Variants in LIMCH1 observed in about 807,000 individuals in gnomAD.
The protein encoded by LIMCH1 is LIM and calponin homology domains-containing protein 1.
A neutral mutation model predicts 176.5 loss-of-function variants in LIMCH1; 113 were observed. That is an observed-to-expected ratio of 0.64 (90% CI 0.55 to 0.75). The LOEUF is 0.75. Among genes scored for constraint, LIMCH1 ranks in the 30% least tolerant of loss-of-function variants. The probability of loss-of-function intolerance (pLI) is 0.00; values close to 1 mark genes in which losing one functional copy is unlikely to be tolerated. For missense variants in LIMCH1, 1,674 were observed against 1,814.9 expected (o/e 0.92, Z 1.41); for synonymous variants, 619 against 645.9 (o/e 0.96, Z 0.63).
chr4:41,609,280 G>A (rs892044878), intron 4 of LIMCH1, among the ~76,000 whole-genome samples: 2 of 149,262 alleles, frequency 1.3e-5, no homozygotes, highest in African/African-American at 5.0e-5. Flanking sequence ...ATCCAATTTT[G>A]TATTCATTTG....
intron 13 of LIMCH1, among the ~76,000 whole-genome samples, chr4:41,635,715 G>C (rs188537111): frequency 1.3e-5 from 2 of 152,308 alleles, no homozygotes; most frequent in African/African-American, 4.8e-5. Context: ...TATGTGTAAA[G>C]CACTGTGCTG....
chr4:41,629,916 C>G (rs1156317247), intron 9 of LIMCH1, among the ~76,000 whole-genome samples, 182 bp downstream of exon 9: 1 of 151,688 alleles, frequency 6.6e-6, no homozygotes, highest in Non-Finnish European at 1.5e-5. Context: ...AAGCAGTCCT[C>G]TCCCTCAGCC....
At chr4:41,597,804 C>G (rs1439087395) in intron 1 of LIMCH1, among the ~76,000 whole-genome samples, 1 of 152,204 alleles carries the variant, frequency 6.6e-6, no homozygotes, top group South Asian at 2.1e-4. Context: ...TATAGCCCAT[C>G]ATATTCACAG....
chr4:41,381,235 AG>A (rs1183369438), intron 1 of LIMCH1, among the ~76,000 whole-genome samples: 1 of 152,186 alleles, frequency 6.6e-6, no homozygotes, highest in Non-Finnish European at 1.5e-5. Context: ...ACAAAAGTGG[AG>A]GCCAAGGTAA....
intron 1 of LIMCH1, among the ~76,000 whole-genome samples, chr4:41,471,811 A>G (rs913657558): frequency 2.6e-5 from 4 of 152,066 alleles, no homozygotes; most frequent in African/African-American, 7.2e-5. Flanking sequence ...CCAGCCATGT[A>G]TGTTTGTTCC....
chr4:41,550,800 A>G (rs1487259603), intron 1 of LIMCH1, among the ~76,000 whole-genome samples: 6 of 152,178 alleles, frequency 3.9e-5, no homozygotes, highest in Admixed American at 3.3e-4. Flanking sequence ...AGGACTGGAA[A>G]CATAAAAATA....
intron 1 of LIMCH1, among the ~76,000 whole-genome samples, chr4:41,492,364 A>G (rs1235869968): frequency 6.7e-6 from 1 of 149,306 alleles, no homozygotes; most frequent in Non-Finnish European, 1.5e-5. Context: ...TCATGGCAGT[A>G]CAGTCCAGGC....
intron 1 of LIMCH1, among the ~76,000 whole-genome samples, chr4:41,446,700 G>C (rs2063324047): frequency 1.3e-5 from 2 of 152,214 alleles, no homozygotes; most frequent in Admixed American, 6.5e-5. Flanking sequence ...GGAAAAGCCT[G>C]TATATAAATC....
Position 41,670,902 on chromosome 4 carries a change from T to G in LIMCH1, c.3398-652T>G, listed in dbSNP as rs886281466. Reference sequence around the variant, plus strand: ...TTCTGATTTCTGGGGAAAAAATTATTTCTTATGCACAGTTAGCAAAGAGCT... The same window carrying G: ...TTCTGATTTCTGGGGAAAAAATTATGTCTTATGCACAGTTAGCAAAGAGCT... On this transcript the variant is annotated intron_variant, in intron 21 of 31. Transcript: ENST00000503057. 5 of 1,479,148 alleles carry G rather than the reference T, an allele frequency of 3.4e-6. No individual in the cohort carries two copies. The East Asian group carries it at 1.3e-4, about 37-fold the overall frequency. 91.6% of individuals were successfully genotyped at this position (1,479,148 alleles called of 1,614,324 possible). A position where few individuals can be genotyped will look rare whatever the true frequency, so the allele number is the denominator to read the frequency against.
At chr4:41,683,284 A>G (rs1004868368) in intron 26 of LIMCH1, among the ~76,000 whole-genome samples, 3 of 152,154 alleles carry the variant, frequency 2.0e-5, no homozygotes, top group South Asian at 4.1e-4. Flanking sequence ...ACTGTGTTCC[A>G]TGGAAGATCA....
At chr4:41,636,345 T>A (rs866828002) in intron 13 of LIMCH1, among the ~76,000 whole-genome samples, 5,485 of 148,272 alleles carry the variant, frequency 0.037, 153 homozygotes, top group African/African-American at 0.082. Flanking sequence ...TATTACTTTT[T>A]TTTTTTTTTT....
chr4:41,393,639 G>A (rs1406650249), intron 1 of LIMCH1, among the ~76,000 whole-genome samples: 1 of 152,148 alleles, frequency 6.6e-6, no homozygotes, highest in Non-Finnish European at 1.5e-5. Context: ...ACAGAATAGA[G>A]CATTATAGTT....
intron 1 of LIMCH1, among the ~76,000 whole-genome samples, chr4:41,413,224 T>G (rs545308975): frequency 1.3e-5 from 2 of 152,074 alleles, no homozygotes; most frequent in East Asian, 1.9e-4. Context: ...ATAAGTTTTT[T>G]TTTTTTTTTT....
chr4:41,604,402 A>G (rs981073175), intron 3 of LIMCH1: 1 of 166,950 alleles, frequency 6.0e-6, no homozygotes, highest in Non-Finnish European at 1.2e-5. Context: ...TCTTATTTTC[A>G]AAAGGCAAGT....
At chr4:41,394,156 T>G (rs1360570199) in intron 1 of LIMCH1, among the ~76,000 whole-genome samples, 4 of 152,140 alleles carry the variant, frequency 2.6e-5, no homozygotes, top group Non-Finnish European at 5.9e-5. Context: ...TAGGCCAAAA[T>G]TGGTTCTGTT....
intron 1 of LIMCH1, among the ~76,000 whole-genome samples, chr4:41,450,798 C>CTCA (rs1554053542): frequency 7.9e-5 from 4 of 50,662 alleles, no homozygotes; most frequent in African/African-American, 1.3e-4. Flanking sequence ...CTCTCTCTCT[C>CTCA]AAAAAAAAAA....
chr4:41,652,412 T>C (rs996532507), intron 18 of LIMCH1, among the ~76,000 whole-genome samples: 8 of 152,048 alleles, frequency 5.3e-5, no homozygotes, highest in African/African-American at 1.4e-4. Flanking sequence ...CACTGCGGAG[T>C]CTCTCCTGAA....
chr4:41,672,540 T>G (rs1311119168), intron 22 of LIMCH1, among the ~76,000 whole-genome samples: 1 of 152,182 alleles, frequency 6.6e-6, no homozygotes, highest in Non-Finnish European at 1.5e-5. Flanking sequence ...AGACCCAAAC[T>G]CTCATTTTTG....
At chr4:41,492,257 C>G (rs886880578) in intron 1 of LIMCH1, among the ~76,000 whole-genome samples, 1 of 152,152 alleles carries the variant, frequency 6.6e-6, no homozygotes, top group Non-Finnish European at 1.5e-5. Context: ...AAAAACCAGT[C>G]AGGAGTGGCG....
Sources: gnomAD v4.1 joint callset for allele counts (sites outside exome capture counted in the v4.1 genomes callset) on GRCh38, gnomAD v4.1.1 for gene constraint, MANE v1.5 for transcripts, NCBI Gene and HGNC (gene_info 2026-07-23, HGNC 2026-07-21) for gene names.